The following CARD8 variants were observed in gnomAD, a reference collection of about 807,000 sequenced individuals.
CARD8 encodes caspase recruitment domain-containing protein 8.
A neutral mutation model predicts 53.2 loss-of-function variants in CARD8; 38 were observed. That is an observed-to-expected ratio of 0.71 (90% CI 0.55 to 0.94). CARD8 has a LOEUF of 0.94. CARD8 is among the 40% of genes least tolerant of loss of function. The pLI is 0.00. For missense variants in CARD8, 561 were observed against 655.5 expected (o/e 0.86, Z 1.57); for synonymous variants, 245 against 244.9 (o/e 1.00, Z 0.00).
intron 5 of CARD8, 67 bp from the exon 6 acceptor site, chr19:48,234,610 G>T: frequency 7.0e-7 from 1 of 1,438,344 alleles, no homozygotes; most frequent in Non-Finnish European, 9.4e-7. Flanking sequence ...CATAGGCTGT[G>T]CAGGAAGATT....
intron 10 of CARD8, among the ~76,000 whole-genome samples, chr19:48,226,091 T>C (rs537453546): frequency 1.4e-5 from 2 of 147,706 alleles, no homozygotes; most frequent in South Asian, 2.2e-4. Flanking sequence ...CTCTAGGCCA[T>C]AGTAAATTAT....
intron 10 of CARD8, among the ~76,000 whole-genome samples, chr19:48,227,951 A>AGAGG (rs34458649): frequency 0.04 from 6,038 of 152,228 alleles, 384 homozygotes; most frequent in African/African-American, 0.13. Context: ...GCACAGCAGG[A>AGAGG]GAGGAGCAGT....
chr19:48,230,096 G>A (rs1389589027), intron 10 of CARD8, among the ~76,000 whole-genome samples: 1 of 152,126 alleles, frequency 6.6e-6, no homozygotes, highest in African/African-American at 2.4e-5. Flanking sequence ...CTGGGTGACA[G>A]AGTAAGACTC....
intron 1 of CARD8, among the ~76,000 whole-genome samples, chr19:48,254,579 G>A (rs774108569): frequency 1.1e-4 from 16 of 151,972 alleles, no homozygotes; most frequent in East Asian, 1.9e-4. Context: ...GTGAAACCCC[G>A]TCTCTACTAA....
In CARD8 at chr19:48,218,929, T is replaced by A. The variant is rs1568678740; in HGVS notation, c.1245A>T (p.Gln415His). Residue 415 changes from glutamine to histidine, a missense_variant, in exon 12 of 14, where the codon CAA (glutamine) becomes CAT (histidine). Coordinates refer to ENST00000651546, the MANE Select transcript of CARD8 (RefSeq NM_001184900.3). ...FYAGQMKEPI[Q>H]LEITEKRHGT... Reference sequence around the variant, plus strand: ...CATGTCTTTTTTCAGTAATCTCAAGTTGAATGGGTTCCTTCATCTGCCCAG... The same window carrying A: ...CATGTCTTTTTTCAGTAATCTCAAGATGAATGGGTTCCTTCATCTGCCCAG... 4.3e-6 allele frequency: 7 copies of A among 1,613,996 alleles called. No individual in the cohort carries two copies. Among genetic ancestry groups the A allele is most frequent in the Non-Finnish European group, 5.1e-6 (6 of 1,179,896 alleles).
downstream of CARD8, chr19:48,204,201 C>T: frequency 2.2e-6 from 1 of 455,792 alleles, no homozygotes; most frequent in South Asian, 1.5e-5. Context: ...AGCCGCTCAG[C>T]GCGCAGGAGG....
intron 1 of CARD8, among the ~76,000 whole-genome samples, chr19:48,252,998 C>A (rs1184234083): frequency 2.6e-5 from 4 of 152,102 alleles, no homozygotes; most frequent in Non-Finnish European, 5.9e-5. Flanking sequence ...TGTATTCATT[C>A]CACAAATACA....
At chr19:48,239,701 C>T (rs2044610791) in intron 4 of CARD8, among the ~76,000 whole-genome samples, 1 of 152,106 alleles carries the variant, frequency 6.6e-6, no homozygotes. Context: ...GTCTCGAACT[C>T]CTGACATCAG....
chr19:48,228,584 A>G (rs1432875104), intron 10 of CARD8, among the ~76,000 whole-genome samples: 29 of 152,148 alleles, frequency 1.9e-4, no homozygotes, highest in Non-Finnish European at 1.5e-5. Context: ...GAATATGGAG[A>G]CTTCGGGTAC....
intron 3 of CARD8, among the ~76,000 whole-genome samples, chr19:48,243,376 T>C (rs1236814383): frequency 6.6e-6 from 1 of 152,304 alleles, no homozygotes; most frequent in South Asian, 2.1e-4. Context: ...TTACCACCAC[T>C]GAATTTATCT....
chr19:48,207,189 G>A (rs150306335), downstream of CARD8, among the ~76,000 whole-genome samples: 290 of 131,988 alleles, frequency 2.2e-3, 3 homozygotes, highest in Middle Eastern at 4.0e-3. Context: ...GAAAAGAAAA[G>A]AAAAAAAAAA....
intron 11 of CARD8, among the ~76,000 whole-genome samples, chr19:48,219,966 G>A (rs1485317435): frequency 6.6e-6 from 1 of 152,090 alleles, no homozygotes; most frequent in Non-Finnish European, 1.5e-5. Flanking sequence ...GTAAGACTCT[G>A]TCTCAAAAAA....
intron 8 of CARD8, among the ~76,000 whole-genome samples, chr19:48,231,218 A>G (rs1468050736): frequency 1.3e-5 from 2 of 152,202 alleles, no homozygotes; most frequent in African/African-American, 4.8e-5. Context: ...TACCAACTTC[A>G]CAGTGCATGA....
At chr19:48,204,279 G>A (rs1427731014), downstream of CARD8, 3 of 438,652 alleles carry the variant, frequency 6.8e-6, no homozygotes, top group South Asian at 4.8e-5. Flanking sequence ...GAGACCTCGC[G>A]GGAGAAATTA....
At chr19:48,223,971 T>C (rs2041228959) in intron 10 of CARD8, 2 of 414,822 alleles carry the variant, frequency 4.8e-6, no homozygotes, top group Non-Finnish European at 9.7e-6. Context: ...CCAAATGCAA[T>C]TTTTTTTTGA....
chr19:48,213,232 G>C (rs1236659161), intron 13 of CARD8: 1 of 152,138 alleles, frequency 6.6e-6, no homozygotes, highest in Non-Finnish European at 1.5e-5. Context: ...AGAGGACATT[G>C]CAGATTGCTG....
Position 48,231,689 on chromosome 19 carries a change from C to T in CARD8, c.513G>A (p.Glu171=), listed in dbSNP as rs780409533. ...ATCTGTTTGTGCTCTTATCAATCAACTCAACATCCACATTTCCTTCAGGCC... is the reference window on the plus strand; with the variant it reads ...ATCTGTTTGTGCTCTTATCAATCAATTCAACATCCACATTTCCTTCAGGCC... ...FLGPEGNVDV[E]LIDKSTNRYS... The change falls in exon 8 of 14, where the codon GAG becomes GAA. Residue 171 remains glutamate (E), a synonymous_variant. Coordinates refer to ENST00000651546, the MANE Select transcript of CARD8 (RefSeq NM_001184900.3). 29 of 1,609,548 alleles carry T rather than the reference C, an allele frequency of 1.8e-5. No individual in the cohort carries two copies. In the East Asian group the frequency reaches 6.2e-4, roughly 35 times the overall value.
chr19:48,237,779 A>G (rs1005268228), intron 5 of CARD8, among the ~76,000 whole-genome samples: 3 of 151,720 alleles, frequency 2.0e-5, no homozygotes, highest in African/African-American at 7.3e-5. Context: ...CCTGGGCAAC[A>G]GAGCAAGACT....
At chr19:48,255,933 G>A (rs1967242104), upstream of CARD8, 2 of 152,190 alleles carry the variant, frequency 1.3e-5, no homozygotes, top group South Asian at 2.1e-4. Flanking sequence ...TCTGAGAACT[G>A]AGGGAAGTAA....
Sources: allele counts gnomAD v4.1 joint callset (sites outside exome capture counted in the v4.1 genomes callset), GRCh38; gene constraint gnomAD v4.1.1; transcripts MANE v1.5; gene names NCBI Gene and HGNC (gene_info 2026-07-23, HGNC 2026-07-21).